The following TEX26 variants were observed in gnomAD, a reference collection of about 807,000 sequenced individuals.
The protein encoded by TEX26 is testis-expressed protein 26.
TEX26 carries 34 observed loss-of-function variants against 35.3 expected under a neutral mutation model. The observed-to-expected ratio is 0.96, with a 90% CI of 0.73 to 1.28. The LOEUF is 1.28. TEX26 is among the 50% of genes most tolerant of loss of function. The pLI is 0.00. For synonymous variants in TEX26, 136 were observed against 111.8 expected, an observed-to-expected ratio of 1.22 and a Z score of -1.36; for missense variants, 371 against 330.1, an observed-to-expected ratio of 1.12 and a Z score of -0.96.
At chr13:30,968,610 C>T (rs940879650) in intron 5 of TEX26, among the ~76,000 whole-genome samples, 3 of 152,180 alleles carry the variant, frequency 2.0e-5, no homozygotes, top group Admixed American at 1.3e-4. Flanking sequence ...GAAAACTTCT[C>T]TTCTGAAAGT....
rs540428107 is a variant in TEX26, at chr13:30,941,545, G to C, written c.146+1767G>C. 2.6e-4 allele frequency among the ~76,000 whole-genome samples: 40 copies of C among 152,156 alleles called. No individual in the cohort carries two copies. In the East Asian group the frequency reaches 7.5e-3, roughly 29 times the overall value. On this transcript the variant is annotated intron_variant, in intron 2 of 6. Transcript: ENST00000380473. ...GGTACAGGTGGTTTTTGGTTACATG[G>C]GTGCATTGCATAATGGTGAGATCTG...
At chr13:30,973,566 A>T (rs1169405666) in intron 6 of TEX26, 1 of 152,242 alleles carries the variant, frequency 6.6e-6, no homozygotes, top group African/African-American at 2.4e-5. Flanking sequence ...GGAGTAGGGT[A>T]GGGATGCTTC....
intron 1 of TEX26, among the ~76,000 whole-genome samples, chr13:30,936,552 G>A (rs564945248): frequency 1.3e-5 from 2 of 152,200 alleles, no homozygotes; most frequent in Admixed American, 1.3e-4. Context: ...TCTCATCCAA[G>A]CAAAAAGAAT....
At chr13:30,939,575 C>G in intron 1 of TEX26, 119 bp from the exon 2 acceptor site, 4 of 857,784 alleles carry the variant, frequency 4.7e-6, no homozygotes, top group Non-Finnish European at 7.3e-6. Flanking sequence ...TCCTTAGACT[C>G]TAAAGATAAA....
chr13:30,973,154 G>A (rs1172098295), intron 6 of TEX26: 1 of 152,134 alleles, frequency 6.6e-6, no homozygotes, highest in African/African-American at 2.4e-5. Context: ...CAGGAAAATA[G>A]ATAAACAAAC....
intron 6 of TEX26, 70 bp downstream of exon 6, chr13:30,969,116 C>G: frequency 7.2e-7 from 1 of 1,379,644 alleles, no homozygotes; most frequent in Admixed American, 2.2e-5. Flanking sequence ...GAAACTGTTC[C>G]AAGTTCTAGC....
chr13:30,955,671 A>G (rs1035093890), intron 3 of TEX26, among the ~76,000 whole-genome samples: 5 of 152,242 alleles, frequency 3.3e-5, no homozygotes, highest in Non-Finnish European at 5.9e-5. Flanking sequence ...AAATAAACGC[A>G]TTCTTTGATA....
intron 5 of TEX26, among the ~76,000 whole-genome samples, chr13:30,966,805 C>A (rs1308343232): frequency 6.6e-6 from 1 of 152,178 alleles, no homozygotes; most frequent in African/African-American, 2.4e-5. Flanking sequence ...CTTCTCAACA[C>A]AGAGGGCGCT....
chr13:30,942,285 ATTGTTTTTCATATGTT>A (rs1953543030), intron 2 of TEX26, among the ~76,000 whole-genome samples: 1 of 151,898 alleles, frequency 6.6e-6, no homozygotes, highest in South Asian at 2.1e-4. Flanking sequence ...AATGTTGAGC[ATTGTTTTTCATATGTT>A]TTTGGCCATT....
At chr13:30,950,811 C>T (rs756781735) in intron 2 of TEX26, among the ~76,000 whole-genome samples, 2 of 152,212 alleles carry the variant, frequency 1.3e-5, no homozygotes, top group African/African-American at 2.4e-5. Flanking sequence ...GAAATCACTC[C>T]TACCATGTTT....
At chr13:30,963,931 T>C (rs1954438865) in intron 4 of TEX26, among the ~76,000 whole-genome samples, 3 of 152,298 alleles carry the variant, frequency 2.0e-5, no homozygotes, top group South Asian at 4.1e-4. Flanking sequence ...GGAACGGACG[T>C]TCCAGACTCT....
At chr13:30,933,834 T>A (rs1339776931) in intron 1 of TEX26, 1 of 152,156 alleles carries the variant, frequency 6.6e-6, no homozygotes, top group Non-Finnish European at 1.5e-5. Flanking sequence ...CCCCATTTCA[T>A]CCCCTTCTTG....
intron 3 of TEX26, 108 bp downstream of exon 3, chr13:30,952,933 C>T (rs1953985977): frequency 1.0e-6 from 1 of 955,892 alleles, no homozygotes; most frequent in Non-Finnish European, 1.6e-6. Flanking sequence ...TCTACAGTCA[C>T]AGGATACATG....
chr13:30,956,805 A>T (rs758714736), intron 3 of TEX26, 68 bp from the exon 4 acceptor site: 98 of 1,385,812 alleles, frequency 7.1e-5, no homozygotes, highest in Non-Finnish European at 9.4e-5. Flanking sequence ...GCACACAGAC[A>T]CTCAGATTAT....
In TEX26 at chr13:30,966,214, C is replaced by G. The variant is rs1489974181; in HGVS notation, c.470-8C>G. The G allele has an allele frequency of 6.2e-7, 1 of 1,613,784 alleles. No homozygotes were observed. On this transcript the variant is annotated splice_polypyrimidine_tract_variant and splice_region_variant and intron_variant, in intron 4 of 6. Transcript: ENST00000380473. The stretch of plus-strand genomic sequence containing the variant: ...TAAGTATTGCCTTCCATTTCCATTC[C>G]ACCCCAGCTCAGAAGATTAAGAAAA...
At chr13:30,943,789 A>G (rs1593545874) in intron 2 of TEX26, among the ~76,000 whole-genome samples, 1 of 152,140 alleles carries the variant, frequency 6.6e-6, no homozygotes, top group East Asian at 1.9e-4. Context: ...ATGTTAAAGC[A>G]TGCCTGCATC....
At chr13:30,955,994 C>T (rs999730186) in intron 3 of TEX26, among the ~76,000 whole-genome samples, 4 of 152,098 alleles carry the variant, frequency 2.6e-5, no homozygotes, top group African/African-American at 9.7e-5. Context: ...CAAGTTTTAT[C>T]ATCCTAAAAT....
intron 6 of TEX26, among the ~76,000 whole-genome samples, chr13:30,971,969 A>G (rs919132863): frequency 6.6e-6 from 1 of 152,278 alleles, no homozygotes; most frequent in African/African-American, 2.4e-5. Flanking sequence ...TTCAATATTA[A>G]GAATCAATGT....
intron 1 of TEX26, among the ~76,000 whole-genome samples, chr13:30,934,871 C>T (rs1467354972): frequency 4.6e-5 from 7 of 152,202 alleles, no homozygotes; most frequent in African/African-American, 1.7e-4. Flanking sequence ...CTCCCTGTGC[C>T]TCTGAGCCTC....
Sources: allele counts gnomAD v4.1 joint callset (sites outside exome capture counted in the v4.1 genomes callset), GRCh38; gene constraint gnomAD v4.1.1; transcripts MANE v1.5; gene names NCBI Gene and HGNC (gene_info 2026-07-23, HGNC 2026-07-21).